NONO: variants seen among roughly 807,000 people sequenced by gnomAD.
NONO encodes non-POU domain-containing octamer-binding protein.
Under a neutral mutation model 40.2 loss-of-function variants are expected in NONO, and 6 were observed. The ratio of observed to expected loss-of-function variants is 0.15; its 90% CI spans 0.08 to 0.29. The LOEUF is 0.29. Among genes scored for constraint, NONO ranks in the 10% least tolerant of loss-of-function variants. NONO has a pLI of 1.00. For synonymous variants in NONO, 89 were observed against 123.3 expected, an observed-to-expected ratio of 0.72 and a Z score of 1.85; for missense variants, 133 against 397.8, an observed-to-expected ratio of 0.33 and a Z score of 5.66.
Position 71,298,243 on chromosome X carries a change from T to TC in NONO, c.1132-221dup, listed in dbSNP as rs1289334900. ...AGTTGGAGCTTCAGAAGCAATCTCT[T>TC]CCCCCTTTCACCTCTCTGTTGCTAA... On this transcript the variant is annotated intron_variant, in intron 9 of 11. Transcript: ENST00000276079. The TC allele has an allele frequency of 3.8e-5, 17 of 445,012 alleles. No homozygotes were observed. The African/African-American group carries it at 4.0e-4, about 10-fold the overall frequency. The allele number at this position is 445,012 out of a possible 1,213,427, so 36.7% of individuals were successfully genotyped here.
chrX:71,297,825 A>G lies in NONO; in HGVS notation c.1029-11A>G. The G allele has an allele frequency of 8.4e-7, 1 of 1,186,238 alleles. No homozygotes were observed. The highest frequency in any genetic ancestry group is 1.1e-6 in the Non-Finnish European group (1 of 873,795). On this transcript the variant is annotated splice_polypyrimidine_tract_variant and intron_variant, in intron 8 of 11. Transcript: ENST00000276079. ...TGCCTCTGTCTTAAATACATTGGTG[A>G]CTCTCTGTAGGCAGGAGGAAGAGCG...
chrX:71,295,803 CTT>C (rs1351036193), intron 5 of NONO, among the ~76,000 whole-genome samples: 1 of 111,871 alleles, frequency 8.9e-6, no homozygotes, highest in African/African-American at 3.2e-5. Context: ...AAAAAAAAGA[CTT>C]TTGGTACTAA....
chrX:71,288,082 T>A (rs1237701948), intron 2 of NONO, among the ~76,000 whole-genome samples: 6 of 104,160 alleles, frequency 5.8e-5, no homozygotes, highest in African/African-American at 2.1e-4. Flanking sequence ...TTATGTTGAT[T>A]TTTAAATGAT....
At chrX:71,286,613 T>C (rs2031194107) in intron 2 of NONO, among the ~76,000 whole-genome samples, 1 of 111,870 alleles carries the variant, frequency 8.9e-6, no homozygotes, top group Non-Finnish European at 1.9e-5. Context: ...AAAAAACCTT[T>C]CCCCGTTAGA....
chrX:71,287,636 C>T (rs776796886), intron 2 of NONO, among the ~76,000 whole-genome samples: 21 of 111,253 alleles, frequency 1.9e-4, no homozygotes, highest in Non-Finnish European at 2.6e-4. Context: ...CTGCCTTAGT[C>T]CCCCAAAGTG....
Position 71,299,925 on chromosome X carries a change from C to T in NONO, c.1282-17C>T. 1 of 1,210,303 alleles carries T rather than the reference C, an allele frequency of 8.3e-7. No individual in the cohort carries two copies. The highest frequency in any genetic ancestry group is 1.1e-6 in the Non-Finnish European group (1 of 894,886). On this transcript the variant is annotated splice_polypyrimidine_tract_variant and intron_variant, in intron 11 of 11. Coordinates refer to ENST00000276079, the MANE Select transcript of NONO (RefSeq NM_007363.5). ...ACAATGGCTCTGTTACAGTGTTGCT[C>T]TCTTTTTCTCTTTAAGACCCCACCA...
chrX:71,294,020 C>T (rs1278099425), intron 4 of NONO: 2 of 429,865 alleles, frequency 4.7e-6, no homozygotes, highest in Non-Finnish European at 8.1e-6. Flanking sequence ...ACTTCTAGAA[C>T]TACATGTGAT....
chrX:71,298,570 G>A lies in NONO; in HGVS notation c.1171+62G>A, dbSNP rs1602390607. ...TTTTGTTTGGTCTTGGGTGAACTAT[G>A]TAGCTTCTGCTGCCTACTTTAAGGG... is the stretch of plus-strand genomic sequence containing the variant. On this transcript the variant is annotated intron_variant, in intron 10 of 11. Coordinates refer to ENST00000276079, the MANE Select transcript of NONO (RefSeq NM_007363.5). 5 of 1,108,675 alleles carry A rather than the reference G, an allele frequency of 4.5e-6. No individual in the cohort carries two copies. The East Asian group carries it at 1.5e-4, about 33-fold the overall frequency. 91.4% of individuals were successfully genotyped at this position (1,108,675 alleles called of 1,213,427 possible).
In NONO at chrX:71,293,859, T is replaced by C. The variant is rs1188748390; in HGVS notation, c.349-368T>C. Among the ~76,000 whole-genome samples, 10 of 111,355 alleles carry C rather than the reference T, an allele frequency of 9.0e-5. No individual in the cohort carries two copies. In the Admixed American group the frequency reaches 9.6e-4, roughly 11 times the overall value. ...GTTGGCCAGGATGATCTCGATCTCC[T>C]GACCTCGTTATCCACCCGCCTCGGC... On this transcript the variant is annotated intron_variant, in intron 4 of 11. Transcript: ENST00000276079.
In NONO at chrX:71,300,787, C is replaced by G. The variant is rs778971171; in HGVS notation, c.*711C>G. ...CAGCGTACATACGGTTCTGTTATAC[C>G]CCATATATTACCCCTTCATGTCCTA... On this transcript the variant is annotated 3_prime_UTR_variant, in exon 12 of 12. Transcript: ENST00000276079. The G allele has an allele frequency of 6.0e-6, 1 of 168,062 alleles. No homozygotes were observed. Among genetic ancestry groups the G allele is most frequent in the Admixed American group, 8.1e-5 (1 of 12,313 alleles). 13.9% of individuals were successfully genotyped at this position (168,062 alleles called of 1,213,427 possible).
At chrX:71,284,707 A>G (rs1377799900) in intron 2 of NONO, among the ~76,000 whole-genome samples, 5 of 112,005 alleles carry the variant, frequency 4.5e-5, no homozygotes, top group African/African-American at 1.6e-4. Context: ...ACTCTTAGAG[A>G]AGGACCTTAG....
rs2031571077 is a variant in NONO at position 71,300,812 on chromosome X, A to C, written c.*736A>C. The C allele has an allele frequency of 2.4e-5, 4 of 167,426 alleles. No homozygotes were observed. The highest frequency in any genetic ancestry group is 4.6e-5 in the Non-Finnish European group (4 of 86,272). 13.8% of individuals were successfully genotyped at this position (167,426 alleles called of 1,213,427 possible). On this transcript the variant is annotated 3_prime_UTR_variant, in exon 12 of 12. Transcript: ENST00000276079. ...CCCATATATTACCCCTTCATGTCCT[A>C]AAGAAGACATTTTCTCTTAGAGATT...
intron 9 of NONO, chrX:71,298,181 A>G (rs183642418): frequency 1.9e-4 from 82 of 434,822 alleles, no homozygotes; most frequent in African/African-American, 1.7e-3. Context: ...GAGATATGCA[A>G]CCTTGGCTAG....
chrX:71,297,986 T>A, intron 9 of NONO, 48 bp downstream of exon 9: 1 of 851,711 alleles, frequency 1.2e-6, no homozygotes, highest in Non-Finnish European at 1.7e-6. Flanking sequence ...CCTGATAAAC[T>A]CACCATGAAT....
intron 5 of NONO, among the ~76,000 whole-genome samples, chrX:71,295,561 G>A (rs1051840440): frequency 5.4e-5 from 6 of 110,777 alleles, no homozygotes; most frequent in Non-Finnish European, 1.1e-4. Flanking sequence ...AGGAGGCTGA[G>A]GCGGGTGAAT....
intron 4 of NONO, among the ~76,000 whole-genome samples, chrX:71,293,702 G>T (rs2148035105): frequency 9.1e-6 from 1 of 109,670 alleles, no homozygotes; most frequent in East Asian, 3.0e-4. Flanking sequence ...CGTGATCTTG[G>T]CTCACTGCAA....
intron 2 of NONO, among the ~76,000 whole-genome samples, chrX:71,286,846 C>G (rs1279266610): frequency 9.0e-6 from 1 of 111,377 alleles, no homozygotes; most frequent in Non-Finnish European, 1.9e-5. Context: ...GTAGAATTTC[C>G]AAATTAAAGA....
At chrX:71,287,071 T>C (rs975040377) in intron 2 of NONO, among the ~76,000 whole-genome samples, 2 of 112,318 alleles carry the variant, frequency 1.8e-5, no homozygotes, top group African/African-American at 6.5e-5. Flanking sequence ...CTGAGAAATA[T>C]AATTTTCTGT....
At chrX:71,299,106 G>A (rs1409171220) in intron 11 of NONO, among the ~76,000 whole-genome samples, 3 of 111,683 alleles carry the variant, frequency 2.7e-5, no homozygotes, top group African/African-American at 9.8e-5. Flanking sequence ...ATTTTTAGTA[G>A]AGATGGGGTT....
Sources: gnomAD v4.1 joint callset for allele counts (sites outside exome capture counted in the v4.1 genomes callset) on GRCh38, gnomAD v4.1.1 for gene constraint, MANE v1.5 for transcripts, NCBI Gene and HGNC (gene_info 2026-07-23, HGNC 2026-07-21) for gene names.